The following RECK variants were observed in gnomAD, a reference collection of about 807,000 sequenced individuals.
The protein encoded by RECK is reversion inducing cysteine rich protein with kazal motifs, also known as reversion-inducing cysteine-rich protein with Kazal motifs.
Under a neutral mutation model 115.1 loss-of-function variants are expected in RECK, and 69 were observed. The ratio of observed to expected loss-of-function variants is 0.60; its 90% CI spans 0.49 to 0.73. The LOEUF (loss-of-function observed/expected upper bound fraction) is 0.73, where lower values mean the gene tolerates loss of function less well. Ranked by LOEUF, RECK falls within the 30% of genes least tolerant of loss-of-function variation. The pLI, the probability that RECK is intolerant of heterozygous loss-of-function variation, is 0.00. For synonymous variants in RECK, 414 were observed against 419.7 expected (o/e 0.99, Z 0.17); for missense variants, 1,047 against 1,203.7 (o/e 0.87, Z 1.93).
At position 36,114,454 on chromosome 9, in the gene RECK, A is replaced by G. The variant is rs896605949; in HGVS notation, c.2060+1978A>G. 3.3e-5 allele frequency among the ~76,000 whole-genome samples: 5 copies of G among 152,318 alleles called. No homozygotes were observed. The South Asian group carries it at 1.0e-3, about 32-fold the overall frequency. On this transcript the variant is annotated intron_variant, in intron 16 of 20. Transcript: ENST00000377966. ...TCATACAAGAGGGAGCTGGAGGAGG[A>G]TTGGTACATTCTCTATGGAGGGCAG... is the stretch of plus-strand genomic sequence containing the variant.
rs1450833531 is a variant in RECK, at chr9:36,063,809, T to G, written c.286T>G (p.Ser96Ala). Residue 96 changes from serine (S) to alanine (A), a missense_variant, in exon 5 of 21, where the codon TCT becomes GCT. Physicochemically the swap from Ser to Ala is moderately conservative, Grantham distance 99 (BLOSUM62 1). Coordinates refer to ENST00000377966, the MANE Select transcript of RECK (RefSeq NM_021111.3). ...NSSLPGVFKK[S>A]DGWVGLGCCE... Reference sequence around the variant, plus strand: ...TTGTTTTTAAGGTGTGTTTAAGAAGTCTGATGGCTGGGTTGGCTTAGGCTG... The same window carrying G: ...TTGTTTTTAAGGTGTGTTTAAGAAGGCTGATGGCTGGGTTGGCTTAGGCTG... 6.2e-7 allele frequency: 1 copy of G among 1,613,974 alleles called. No individual in the cohort carries two copies. The highest frequency in any genetic ancestry group is 8.5e-7 in the Non-Finnish European group (1 of 1,179,936).
chr9:36,073,872 T>G (rs1467148048), intron 6 of RECK, among the ~76,000 whole-genome samples: 5 of 152,204 alleles, frequency 3.3e-5, no homozygotes, highest in African/African-American at 1.2e-4. Flanking sequence ...TATAGTATAT[T>G]GGAGCTGGCA....
intron 1 of RECK, among the ~76,000 whole-genome samples, chr9:36,050,634 C>T (rs778234459): frequency 6.6e-6 from 1 of 152,144 alleles, no homozygotes; most frequent in Non-Finnish European, 1.5e-5. Flanking sequence ...GGGTGGTTTT[C>T]CATCCTTCTC....
intron 1 of RECK, among the ~76,000 whole-genome samples, chr9:36,040,536 T>G (rs1286013793): frequency 6.6e-6 from 1 of 152,162 alleles, no homozygotes; most frequent in Non-Finnish European, 1.5e-5. Context: ...ATGGATTTTA[T>G]TCTGTGCACA....
At chr9:36,121,756 G>A in intron 20 of RECK, 68 bp downstream of exon 20, 2 of 1,518,508 alleles carry the variant, frequency 1.3e-6, no homozygotes, top group East Asian at 2.3e-5. Flanking sequence ...GAGGGAGTGG[G>A]CACAAACTAG....
intron 2 of RECK, among the ~76,000 whole-genome samples, chr9:36,052,930 A>G (rs1821366329): frequency 6.6e-6 from 1 of 152,182 alleles, no homozygotes. Flanking sequence ...TATTATACCA[A>G]TACTGTGATC....
intron 1 of RECK, among the ~76,000 whole-genome samples, chr9:36,038,239 G>A (rs1290726869): frequency 1.4e-4 from 21 of 152,022 alleles, no homozygotes; most frequent in Admixed American, 1.4e-3. Context: ...CTCGAGCCCC[G>A]GGAAGTTGAG....
chr9:36,110,587 G>A (rs1041844685), intron 15 of RECK, among the ~76,000 whole-genome samples: 2 of 152,158 alleles, frequency 1.3e-5, no homozygotes, highest in Admixed American at 6.5e-5. Context: ...GAAAAGGCTA[G>A]TGAGATGGGA....
At chr9:36,095,939 G>A (rs113248239) in intron 10 of RECK, among the ~76,000 whole-genome samples, 1 of 150,622 alleles carries the variant, frequency 6.6e-6, no homozygotes, top group Non-Finnish European at 1.5e-5. Flanking sequence ...AGCCAGGCAT[G>A]GTGGCGGGCA....
chr9:36,059,182 C>T (rs765514290), intron 3 of RECK, among the ~76,000 whole-genome samples: 5 of 151,952 alleles, frequency 3.3e-5, no homozygotes, highest in Non-Finnish European at 7.4e-5. Context: ...TGGGGTCGGG[C>T]GTGGTGGCTG....
At chr9:36,113,004 T>G (rs980860808) in intron 16 of RECK, among the ~76,000 whole-genome samples, 4 of 152,212 alleles carry the variant, frequency 2.6e-5, no homozygotes, top group Non-Finnish European at 5.9e-5. Flanking sequence ...TTCTTCTAGT[T>G]ATATGCAACT....
chr9:36,107,586 C>T lies in RECK; in HGVS notation c.1577-390C>T, dbSNP rs369344790. ...TGCCACTACACTCCAGCCTGGGCAACAGAGCAAGACTCCGTCTCAAAAAAA... is the reference window on the plus strand; with the variant it reads ...TGCCACTACACTCCAGCCTGGGCAATAGAGCAAGACTCCGTCTCAAAAAAA... On this transcript the variant is annotated intron_variant, in intron 13 of 20. Transcript: ENST00000377966. Among the ~76,000 whole-genome samples the T allele has an allele frequency of 3.8e-5, 5 of 132,486 alleles. No individual in the cohort carries two copies. In the East Asian group the frequency reaches 1.1e-3, roughly 28 times the overall value. The allele number at this position is 132,486 out of a possible 152,430, so 86.9% of individuals were successfully genotyped here.
intron 6 of RECK, among the ~76,000 whole-genome samples, chr9:36,073,300 T>A (rs377560649): frequency 1.3e-5 from 2 of 149,032 alleles, no homozygotes; most frequent in Admixed American, 1.3e-4. Flanking sequence ...ACAAAACTTA[T>A]GATTTTTCTT....
chr9:36,109,239 G>T (rs190727854), intron 14 of RECK, among the ~76,000 whole-genome samples: 1 of 152,304 alleles, frequency 6.6e-6, no homozygotes, highest in Non-Finnish European at 1.5e-5. Flanking sequence ...CGGGACGGGG[G>T]ATGAGATCAT....
At chr9:36,118,080 C>T (rs1218261605) in intron 17 of RECK, among the ~76,000 whole-genome samples, 1 of 152,234 alleles carries the variant, frequency 6.6e-6, no homozygotes, top group African/African-American at 2.4e-5. Context: ...TTGGGCCTAG[C>T]ATCCGCTGCC....
chr9:36,036,929 T>G lies in RECK; in HGVS notation c.-70T>G, dbSNP rs555727081. 2 of 1,036,100 alleles carry G rather than the reference T, an allele frequency of 1.9e-6. No individual in the cohort carries two copies. The allele number at this position is 1,036,100 out of a possible 1,614,324, so 64.2% of individuals were successfully genotyped here. ...CGGGGCCTCGCGCGAGCGGCGGCGG[T>G]AGCGGCGGCAGCGGCTGCGGCCAAG... On this transcript the variant is annotated 5_prime_UTR_variant, in exon 1 of 21. Transcript: ENST00000377966.
chr9:36,082,651 T>C (rs1203821441), intron 7 of RECK, among the ~76,000 whole-genome samples: 1 of 152,164 alleles, frequency 6.6e-6, no homozygotes, highest in East Asian at 1.9e-4. Flanking sequence ...AATAAATAAA[T>C]CCAGAGTAAT....
chr9:36,087,752 C>T lies in RECK; in HGVS notation c.696C>T (p.Ile232=). The T allele has an allele frequency of 6.2e-7, 1 of 1,613,952 alleles. No homozygotes were observed. Among genetic ancestry groups the T allele is most frequent in the Non-Finnish European group, 8.5e-7 (1 of 1,179,894 alleles). The change falls in exon 9 of 21, where the codon ATC becomes ATT. Residue 232 remains isoleucine (I), a synonymous_variant. Coordinates refer to ENST00000377966, the MANE Select transcript of RECK (RefSeq NM_021111.3). ...DHACQNACKR[I]LMSKKTEMEI... is the part of the protein sequence containing the mutation. The stretch of plus-strand genomic sequence containing the variant: ...CTTGCCAAAATGCCTGCAAGAGAAT[C>T]CTGATGTCCAAGAAAACGGAAATGG...
chr9:36,091,014 T>C, intron 9 of RECK, 150 bp from the exon 10 acceptor site: 1 of 587,430 alleles, frequency 1.7e-6, no homozygotes, highest in South Asian at 2.7e-5. Flanking sequence ...TTTTTCTGGC[T>C]CTAGTTTCTA....
Sources: gnomAD v4.1 joint callset for allele counts (sites outside exome capture counted in the v4.1 genomes callset) on GRCh38, gnomAD v4.1.1 for gene constraint, MANE v1.5 for transcripts, NCBI Gene and HGNC (gene_info 2026-07-23, HGNC 2026-07-21) for gene names.